GPHN: variants seen among roughly 807,000 people sequenced by gnomAD.
GPHN encodes the protein gephyrin.
GPHN carries 17 observed loss-of-function variants against 95.5 expected under a neutral mutation model. The ratio of observed to expected loss-of-function variants is 0.18; its 90% CI spans 0.12 to 0.27. The LOEUF is 0.27. GPHN is among the 10% of genes least tolerant of loss of function. The pLI, the probability that GPHN is intolerant of heterozygous loss-of-function variation, is 1.00. For missense variants in GPHN, 660 were observed against 978.1 expected (o/e 0.67, Z 4.34); for synonymous variants, 320 against 322.5 (o/e 0.99, Z 0.08).
the GPHN span, among the ~76,000 whole-genome samples, chr14:67,236,988 G>C: frequency 6.6e-6 from 1 of 152,128 alleles, no homozygotes; most frequent in Admixed American, 6.6e-5. Context: ...CTACTGGGAG[G>C]CTGAGGCAGG....
intron 2 of GPHN, among the ~76,000 whole-genome samples, chr14:66,753,534 GTTATA>G (rs1452443466): frequency 2.0e-5 from 3 of 151,668 alleles, no homozygotes; most frequent in Non-Finnish European, 4.4e-5. Flanking sequence ...TTTAAAGAAA[GTTATA>G]TTCTATTCTA....
the GPHN span, among the ~76,000 whole-genome samples, chr14:67,497,552 G>A: frequency 4.1e-4 from 62 of 152,214 alleles, no homozygotes; most frequent in African/African-American, 1.2e-3. Context: ...ACTTTGGAAC[G>A]TTCTACTGGA....
At chr14:66,812,740 C>G (rs1423583321) in intron 3 of GPHN, among the ~76,000 whole-genome samples, 3 of 152,154 alleles carry the variant, frequency 2.0e-5, no homozygotes, top group African/African-American at 7.2e-5. Flanking sequence ...ACTAATCCAG[C>G]TCTATAAAGC....
the GPHN span, among the ~76,000 whole-genome samples, chr14:67,544,623 CAA>C: frequency 3.3e-5 from 5 of 152,030 alleles, no homozygotes; most frequent in African/African-American, 1.2e-4. Context: ...GAAGACGTAA[CAA>C]AGAAAATGAA....
intron 3 of GPHN, among the ~76,000 whole-genome samples, chr14:66,784,545 G>A (rs116957126): frequency 0.012 from 1,793 of 152,158 alleles, 18 homozygotes; most frequent in Non-Finnish European, 0.018. Context: ...GTATAATATG[G>A]TATTCTATAT....
the GPHN span, chr14:67,576,568 A>T: frequency 1.1e-5 from 9 of 816,654 alleles, no homozygotes; most frequent in South Asian, 1.2e-4. This position sits in a 1 kb window ranked among gnomAD's most constrained non-coding sequence, Gnocchi z 4.0. Flanking sequence ...ATTGGTCAAG[A>T]TCCCAAAGAA....
the GPHN span, among the ~76,000 whole-genome samples, chr14:67,342,703 TCTAA>T: frequency 6.6e-6 from 1 of 150,676 alleles, no homozygotes; most frequent in African/African-American, 2.4e-5. Flanking sequence ...TTAATATATT[TCTAA>T]CAATATAGTT....
At chr14:67,117,322 A>G (rs2078749877) in intron 16 of GPHN, among the ~76,000 whole-genome samples, 1 of 152,248 alleles carries the variant, frequency 6.6e-6, no homozygotes, top group African/African-American at 2.4e-5. Flanking sequence ...AGTCATATCA[A>G]AAGTACTTCA....
chr14:66,551,396 A>G (rs1221610202), intron 1 of GPHN, among the ~76,000 whole-genome samples: 1 of 152,086 alleles, frequency 6.6e-6, no homozygotes, highest in African/African-American at 2.4e-5. Flanking sequence ...GTGGTCTTAA[A>G]TATCTGTGTT....
intron 1 of GPHN, among the ~76,000 whole-genome samples, chr14:66,652,655 A>G (rs2065102129): frequency 6.6e-6 from 1 of 152,074 alleles, no homozygotes; most frequent in Admixed American, 6.6e-5. Context: ...TGAATCCTTT[A>G]TAGTGTAACA....
the GPHN span, chr14:67,735,241 A>G: frequency 2.2e-5 from 30 of 1,378,022 alleles, no homozygotes; most frequent in African/African-American, 4.0e-4. Flanking sequence ...CTCCCACGAG[A>G]CACAGCCTCC....
In GPHN at chr14:67,051,540, G is replaced by T. The variant is rs113134057; in HGVS notation, c.1007-7109G>T. Among the ~76,000 whole-genome samples, 467 of 152,170 alleles carry T rather than the reference G, an allele frequency of 3.1e-3. 5 individuals carry two copies. The highest frequency in any genetic ancestry group is 0.011 in the African/African-American group (449 of 41,524). On this transcript the variant is annotated intron_variant, in intron 10 of 22. Transcript: ENST00000478722. ...AACCAAGTTGGAAAACGTACATCAG[G>T]ATATCATCCAGAACTTCCCCAACCT...
At chr14:67,225,615 C>T in the GPHN span, among the ~76,000 whole-genome samples, 4 of 152,068 alleles carry the variant, frequency 2.6e-5, no homozygotes, top group Admixed American at 1.3e-4. Flanking sequence ...ATCAAGACCT[C>T]TTTTTTTTCA....
the GPHN span, chr14:67,224,081 A>C: frequency 1.8e-4 from 146 of 801,366 alleles, no homozygotes; most frequent in Middle Eastern, 6.5e-4. Flanking sequence ...CCATGATCTC[A>C]AATTCATCTC....
chr14:66,543,198 G>T (rs747654823), intron 1 of GPHN, among the ~76,000 whole-genome samples: 29 of 152,034 alleles, frequency 1.9e-4, no homozygotes, highest in South Asian at 1.0e-3. Flanking sequence ...CCAGCATTGG[G>T]GATTACATTT....
intron 2 of GPHN, among the ~76,000 whole-genome samples, chr14:66,726,267 A>T (rs2071225218): frequency 6.6e-6 from 1 of 152,210 alleles, no homozygotes; most frequent in Admixed American, 6.5e-5. Context: ...AATAATTTAC[A>T]CTTCCACCTC....
the GPHN span, chr14:67,685,071 G>A: frequency 2.7e-5 from 44 of 1,614,108 alleles, no homozygotes; most frequent in Non-Finnish European, 3.6e-5. Context: ...AGTGCAGGCT[G>A]GTCTGGGCTC....
chr14:67,729,257 C>T, the GPHN span: 5 of 1,608,970 alleles, frequency 3.1e-6, no homozygotes, highest in Non-Finnish European at 4.2e-6. Context: ...CGGCACTCCT[C>T]CCTGCTCTGC....
At chr14:67,168,745 T>A (rs2082426993) in intron 20 of GPHN, among the ~76,000 whole-genome samples, 188 bp from the exon 21 acceptor site, 1 of 152,108 alleles carries the variant, frequency 6.6e-6, no homozygotes, top group African/African-American at 2.4e-5. Flanking sequence ...AAGACGCAAA[T>A]GTTTACACCC....
Sources: allele counts gnomAD v4.1 joint callset (sites outside exome capture counted in the v4.1 genomes callset), GRCh38; gene constraint gnomAD v4.1.1; non-coding constraint Gnocchi (gnomAD v3.1); transcripts MANE v1.5; gene names NCBI Gene and HGNC (gene_info 2026-07-23, HGNC 2026-07-21).